ANK1: variants seen among roughly 807,000 people sequenced by gnomAD.
The protein encoded by ANK1 is ankyrin 1.
In ANK1, 51 loss-of-function variants were observed where a neutral mutation model predicts 210.4. The ratio of observed to expected loss-of-function variants is 0.24; its 90% confidence interval spans 0.19 to 0.31. The LOEUF is 0.31. Ranked by LOEUF, ANK1 falls within the 10% of genes least tolerant of loss-of-function variation. The pLI, the probability that ANK1 is intolerant of heterozygous loss-of-function variation, is 1.00. For missense variants in ANK1, 2,051 were observed against 2,504.4 expected (o/e 0.82, Z 3.86); for synonymous variants, 967 against 1,025.9 (o/e 0.94, Z 1.10).
At chr8:41,816,490 G>T (rs527426603) in intron 1 of ANK1, among the ~76,000 whole-genome samples, 1 of 152,248 alleles carries the variant, frequency 6.6e-6, no homozygotes, top group Admixed American at 6.5e-5. Context: ...CCAGGCTGGA[G>T]TGCAGTGGTG....
At position 41,715,749 on chromosome 8, in the gene ANK1, GCGGTGGTGGC is replaced by G; in HGVS notation, c.1495_1504del (p.Ala499ProfsTer31). 6.2e-7 allele frequency: 1 copy of G among 1,614,188 alleles called. No homozygotes were observed. The highest frequency in any genetic ancestry group is 8.5e-7 in the Non-Finnish European group (1 of 1,180,032). Reference sequence around the variant, plus strand: ...TGCAATGTGCAGGGGGGTGTGCCCGGCGGTGGTGGCCAGGTTGGGGTTGGCGTTATTTTCC... The same window carrying G: ...TGCAATGTGCAGGGGGGTGTGCCCGGCAGGTTGGGGTTGGCGTTATTTTCC... On this transcript the variant is annotated frameshift_variant, in exon 14 of 43. Transcript: ENST00000289734. LOFTEE classifies it high-confidence loss of function.
chr8:41,695,132 T>A (rs1370873555), intron 27 of ANK1, 45 bp downstream of exon 27: 8 of 1,612,774 alleles, frequency 5.0e-6, no homozygotes, highest in Non-Finnish European at 6.8e-6. Context: ...CTCAAACCCC[T>A]CTTCCGCAAG....
chr8:41,845,735 T>C (rs1809894612), intron 1 of ANK1, among the ~76,000 whole-genome samples: 1 of 152,210 alleles, frequency 6.6e-6, no homozygotes, highest in South Asian at 2.1e-4. Context: ...GATCTGAGCA[T>C]GAGTAAAAGC....
At chr8:41,684,957 T>A (rs1421565667) in intron 36 of ANK1, among the ~76,000 whole-genome samples, 1 of 152,232 alleles carries the variant, frequency 6.6e-6, no homozygotes, top group African/African-American at 2.4e-5. Flanking sequence ...ATTTTATTTA[T>A]TGGTCTCACT....
intron 1 of ANK1, among the ~76,000 whole-genome samples, chr8:41,839,617 C>A (rs1250510264): frequency 6.6e-6 from 1 of 152,172 alleles, no homozygotes; most frequent in African/African-American, 2.4e-5. Context: ...GTATTCAGCC[C>A]CAAATCCTCA....
chr8:41,773,621 T>A (rs1843412213), intron 1 of ANK1, among the ~76,000 whole-genome samples: 1 of 152,184 alleles, frequency 6.6e-6, no homozygotes, highest in Admixed American at 6.5e-5. Context: ...GAATTGAGAT[T>A]TTTTTAAATC....
chr8:41,690,112 C>T (rs984839966), intron 33 of ANK1, 115 bp downstream of exon 33: 53 of 1,528,422 alleles, frequency 3.5e-5, no homozygotes, highest in African/African-American at 2.6e-4. Flanking sequence ...CCTCGGGGGA[C>T]TCTAAGCTTC....
chr8:41,690,974 C>G (rs1234234556), intron 31 of ANK1, among the ~76,000 whole-genome samples: 1 of 152,204 alleles, frequency 6.6e-6, no homozygotes, highest in African/African-American at 2.4e-5. Flanking sequence ...TGTAATCCCT[C>G]CACTTTAGAA....
chr8:41,892,692 T>C (rs544997239), intron 1 of ANK1, among the ~76,000 whole-genome samples: 1 of 152,280 alleles, frequency 6.6e-6, no homozygotes, highest in Admixed American at 6.5e-5. Context: ...TTTTTCCAGA[T>C]GCCCCCAAAA....
At chr8:41,748,774 G>A (rs1408133403) in intron 2 of ANK1, among the ~76,000 whole-genome samples, 4 of 152,188 alleles carry the variant, frequency 2.6e-5, no homozygotes, top group South Asian at 2.1e-4. Flanking sequence ...GGTGGCTTAC[G>A]CCTGTAATCC....
At position 41,686,167 on chromosome 8, in the gene ANK1, C is replaced by T. The variant is rs1397323601; in HGVS notation, c.4375G>A (p.Gly1459Ser). ...CGGTACTGACTGTTTGCGTTTTGGCCTTCACGGATGACCCAGAGGTTCAGC... is the reference window on the plus strand; with the variant it reads ...CGGTACTGACTGTTTGCGTTTTGGCTTTCACGGATGACCCAGAGGTTCAGC... The part of the protein sequence containing the change: ...ALLNLWVIRE[G>S]QNANMENLYT... The change falls in exon 36 of 43, where the codon GGC (glycine) becomes AGC (serine). Residue 1459 changes from glycine to serine, a missense_variant. Gly to Ser is a moderately conservative substitution (Grantham distance 56, BLOSUM62 0). This residue lies in a region of ANK1 where 39 missense variants were observed against 75.1 expected (regional missense o/e 0.52). Transcript: ENST00000289734. 1 of 1,614,230 alleles carries T rather than the reference C, an allele frequency of 6.2e-7. No individual in the cohort carries two copies. Among genetic ancestry groups the T allele is most frequent in the East Asian group, 2.2e-5 (1 of 44,892 alleles).
intron 1 of ANK1, chr8:41,829,329 G>A (rs547635240): frequency 6.6e-6 from 1 of 152,358 alleles, no homozygotes; most frequent in East Asian, 1.9e-4. Flanking sequence ...GAGGAACAGC[G>A]TCTTCGCCAC....
At chr8:41,703,221 G>A (rs1251064427) in intron 20 of ANK1, among the ~76,000 whole-genome samples, 1 of 151,698 alleles carries the variant, frequency 6.6e-6, no homozygotes, top group South Asian at 2.1e-4. Context: ...CACACCGAAC[G>A]ATGATTGCTG....
At chr8:41,861,420 C>T (rs1813252852) in intron 1 of ANK1, among the ~76,000 whole-genome samples, 4 of 152,342 alleles carry the variant, frequency 2.6e-5, no homozygotes, top group East Asian at 1.9e-4. Context: ...ATAAAGGCTT[C>T]GAAAGGGCCT....
chr8:41,806,049 G>C (rs1039920080), intron 1 of ANK1, among the ~76,000 whole-genome samples: 4 of 152,228 alleles, frequency 2.6e-5, no homozygotes, highest in African/African-American at 9.6e-5. Context: ...ACTTGCAAGA[G>C]AGGGAAAGTG....
At chr8:41,861,130 AG>A (rs1813188536) in intron 1 of ANK1, among the ~76,000 whole-genome samples, 1 of 152,172 alleles carries the variant, frequency 6.6e-6, no homozygotes, top group South Asian at 2.1e-4. Context: ...TGCTTGGAAA[AG>A]ACAGGCCTGT....
At chr8:41,799,505 G>A (rs952313426), upstream of ANK1, among the ~76,000 whole-genome samples, 3 of 152,174 alleles carry the variant, frequency 2.0e-5, no homozygotes, top group Non-Finnish European at 4.4e-5. Context: ...TTTCTCTTTG[G>A]AGTTCCCACA....
At chr8:41,788,685 T>C (rs561862266) in intron 1 of ANK1, among the ~76,000 whole-genome samples, 2 of 152,206 alleles carry the variant, frequency 1.3e-5, no homozygotes, top group Non-Finnish European at 1.5e-5. Flanking sequence ...TCCAATCCCC[T>C]CGATTTAGGA....
chr8:41,804,684 C>T (rs1441725834), intron 1 of ANK1, among the ~76,000 whole-genome samples: 1 of 152,138 alleles, frequency 6.6e-6, no homozygotes, highest in Non-Finnish European at 1.5e-5. Flanking sequence ...CTCAGGCTAC[C>T]AGTTTAGGAG....
Sources: gnomAD v4.1 joint callset for allele counts (sites outside exome capture counted in the v4.1 genomes callset) on GRCh38, gnomAD v4.1.1 for gene constraint, gnomAD v4.1.1 regional missense constraint, MANE v1.5 for transcripts, NCBI Gene and HGNC (gene_info 2026-07-23, HGNC 2026-07-21) for gene names.